RABL6: variants seen among roughly 807,000 people sequenced by gnomAD.
RABL6 encodes RAB, member RAS oncogene family like 6.
In RABL6, 28 loss-of-function variants were observed where a neutral mutation model predicts 72.9. The ratio of observed to expected loss-of-function variants is 0.38; its 90% confidence interval spans 0.28 to 0.53. The LOEUF (loss-of-function observed/expected upper bound fraction) is 0.53, where lower values mean the gene tolerates loss of function less well. Among genes scored for constraint, RABL6 ranks in the 20% least tolerant of loss-of-function variants. The probability of loss-of-function intolerance (pLI) is 0.80; values close to 1 mark genes in which losing one functional copy is unlikely to be tolerated. For synonymous variants in RABL6, 477 were observed against 421.2 expected (o/e 1.13, Z -1.62); for missense variants, 1,029 against 1,008.4 (o/e 1.02, Z -0.28).
chr9:136,808,782 T>G (rs1370252583), intron 1 of RABL6: 1 of 152,324 alleles, frequency 6.6e-6, no homozygotes, highest in Non-Finnish European at 1.5e-5. Flanking sequence ...GGATTTTTCT[T>G]TGTTGACTTC....
intron 1 of RABL6, among the ~76,000 whole-genome samples, chr9:136,811,928 T>C (rs994373111): frequency 6.6e-5 from 10 of 152,248 alleles, no homozygotes; most frequent in Admixed American, 5.2e-4. Flanking sequence ...AACCAGTCTT[T>C]CAGATGAAAT....
rs994565475 is a variant in RABL6, at chr9:136,833,384, C to A, written c.705+1014C>A. 3 of 388,278 alleles carry A rather than the reference C, an allele frequency of 7.7e-6. No homozygotes were observed. In the Admixed American group the frequency reaches 1.1e-4, roughly 14 times the overall value. 24.1% of individuals were successfully genotyped at this position (388,278 alleles called of 1,614,324 possible). On this transcript the variant is annotated intron_variant, in intron 7 of 14. Coordinates refer to ENST00000311502, the MANE Select transcript of RABL6 (RefSeq NM_024718.5). ...GGTCTGGGGGACCTGAACCTCCTTG[C>A]CTGGGCTGCCCCGCCTGGGTCTGGG...
chr9:136,828,373 G>T, intron 3 of RABL6, 121 bp from the exon 4 acceptor site: 1 of 945,096 alleles, frequency 1.1e-6, no homozygotes, highest in Non-Finnish European at 1.7e-6. Flanking sequence ...AGGCTGTTTG[G>T]GGTGGTGGAG....
At chr9:136,823,724 T>G (rs1848292389) in intron 2 of RABL6, 65 bp downstream of exon 2, 2 of 1,501,088 alleles carry the variant, frequency 1.3e-6, no homozygotes, top group South Asian at 2.6e-5. Flanking sequence ...CCCTGGTTCC[T>G]GGGAGATGCA....
At chr9:136,833,688 C>G in intron 7 of RABL6, 1 of 1,549,226 alleles carries the variant, frequency 6.5e-7, no homozygotes, top group South Asian at 1.2e-5. Flanking sequence ...TGGGGCCCAG[C>G]TGCAGCTGCA....
chr9:136,828,831 C>G (rs1222219397), intron 4 of RABL6, among the ~76,000 whole-genome samples: 1 of 152,190 alleles, frequency 6.6e-6, no homozygotes, highest in Admixed American at 6.5e-5. Flanking sequence ...ATCCCAGTCT[C>G]GGTGGGCTCG....
intron 1 of RABL6, among the ~76,000 whole-genome samples, chr9:136,820,282 TTG>T (rs1204144276): frequency 6.6e-6 from 1 of 152,000 alleles, no homozygotes; most frequent in Non-Finnish European, 1.5e-5. Flanking sequence ...GGAGGATCAC[TTG>T]AGCCCAGGAG....
At chr9:136,818,092 A>T (rs1474526004) in intron 1 of RABL6, among the ~76,000 whole-genome samples, 1 of 148,640 alleles carries the variant, frequency 6.7e-6, no homozygotes, top group African/African-American at 2.5e-5. Context: ...TGACGGGCAC[A>T]GTGGCTCACG....
rs867464647 is a variant in RABL6, at chr9:136,825,790, A to G, written c.277A>G (p.Ile93Val). 3.7e-6 allele frequency: 6 copies of G among 1,613,642 alleles called. No individual in the cohort carries two copies. Among genetic ancestry groups the G allele is most frequent in the Non-Finnish European group, 5.1e-6 (6 of 1,179,610 alleles). The change falls in exon 3 of 15, where the codon ATC (isoleucine) becomes GTC (valine). Residue 93 changes from isoleucine to valine, a missense_variant. Physicochemically the swap from Ile to Val is conservative, Grantham distance 29. Coordinates refer to ENST00000311502, the MANE Select transcript of RABL6 (RefSeq NM_024718.5). ...TCTCCCTGTTTCAGCCACGGATGAC[A>G]TCGTGAAGGTTGAAGTCTGGGATGT... ...IHWSYKTTDD[I>V]VKVEVWDVVD... is the part of the protein sequence containing the mutation.
chr9:136,819,324 GAAAAAAA>G (rs57726746), intron 1 of RABL6, among the ~76,000 whole-genome samples: 5 of 58,952 alleles, frequency 8.5e-5, no homozygotes, highest in South Asian at 4.9e-4. Context: ...TCCGTCTCAA[GAAAAAAA>G]AAAAAAAAAA....
intron 10 of RABL6, 84 bp from the exon 11 acceptor site, chr9:136,838,825 C>A (rs1475128066): frequency 1.0e-4 from 129 of 1,264,204 alleles, no homozygotes; most frequent in Non-Finnish European, 1.2e-4. Flanking sequence ...TGCTGGGTAC[C>A]AGGGCGCCTA....
In RABL6 at chr9:136,840,733, G is replaced by A. The variant is rs1368750982; in HGVS notation, c.*211G>A. On this transcript the variant is annotated 3_prime_UTR_variant, in exon 15 of 15. Transcript: ENST00000311502. ...TGTGAGCCTGCTCTGCAAGAAGGGA[G>A]GGGACAGCTGGCTTCAGCCAGGCTC... 3 of 1,548,384 alleles carry A rather than the reference G, an allele frequency of 1.9e-6. No homozygotes were observed. The African/African-American group carries it at 4.1e-5, about 21-fold the overall frequency.
At chr9:136,832,710 C>G in intron 7 of RABL6, 3 of 370,434 alleles carry the variant, frequency 8.1e-6, no homozygotes, top group Non-Finnish European at 1.6e-5. Flanking sequence ...TGGCTCACTG[C>G]GGCCTCAAAC....
intron 1 of RABL6, among the ~76,000 whole-genome samples, chr9:136,812,619 G>A (rs531484418): frequency 6.6e-6 from 1 of 152,102 alleles, no homozygotes; most frequent in Non-Finnish European, 1.5e-5. Flanking sequence ...AACAAGGAAG[G>A]TATTACCCTT....
intron 1 of RABL6, among the ~76,000 whole-genome samples, chr9:136,816,708 C>G (rs1018680295): frequency 1.5e-5 from 2 of 135,396 alleles, no homozygotes; most frequent in African/African-American, 5.7e-5. Context: ...CAGAGTGAGA[C>G]TCTGTCTCAA....
chr9:136,810,651 CCTG>C (rs1027572834), intron 1 of RABL6, among the ~76,000 whole-genome samples: 5 of 152,128 alleles, frequency 3.3e-5, no homozygotes, highest in African/African-American at 1.2e-4. Flanking sequence ...ACACCATTCT[CCTG>C]CTTCAGCCTC....
At position 136,840,982 on chromosome 9, in the gene RABL6, G is replaced by T; in HGVS notation, c.*460G>T. The T allele has an allele frequency of 6.9e-7, 1 of 1,449,406 alleles. No individual in the cohort carries two copies. The highest frequency in any genetic ancestry group is 9.1e-7 in the Non-Finnish European group (1 of 1,097,912). The allele number at this position is 1,449,406 out of a possible 1,614,324, so 89.8% of individuals were successfully genotyped here. A position where few individuals can be genotyped will look rare whatever the true frequency, so the allele number is the denominator to read the frequency against. ...CGGGAGCCCTGAACACGGGTGTGCA[G>T]ACTCACCCTAAAGGGCGGCCCAGGC... is the stretch of plus-strand genomic sequence containing the variant. On this transcript the variant is annotated 3_prime_UTR_variant, in exon 15 of 15. Coordinates refer to ENST00000311502, the MANE Select transcript of RABL6 (RefSeq NM_024718.5).
rs1439370186 is a variant in RABL6 at position 136,824,761 on chromosome 9, G to A, written c.266-1018G>A. Reference sequence around the variant, plus strand: ...CTTGGACTGCTGTGCAGGAACAGCCGTGGAGTTGCTGGGCATCTGCTGCTC... The same window carrying A: ...CTTGGACTGCTGTGCAGGAACAGCCATGGAGTTGCTGGGCATCTGCTGCTC... On this transcript the variant is annotated intron_variant, in intron 2 of 14. Coordinates refer to ENST00000311502, the MANE Select transcript of RABL6 (RefSeq NM_024718.5). Among the ~76,000 whole-genome samples the A allele has an allele frequency of 3.3e-5, 5 of 152,312 alleles. No homozygotes were observed. In the South Asian group the frequency reaches 6.2e-4, roughly 19 times the overall value.
chr9:136,832,429 C>T (rs1848496713), intron 7 of RABL6, 59 bp downstream of exon 7: 8 of 1,355,454 alleles, frequency 5.9e-6, no homozygotes, highest in Non-Finnish European at 8.5e-6. Context: ...TTCCAGGTGT[C>T]TCCTGTGTAG....
Sources: gnomAD v4.1 joint callset for allele counts (sites outside exome capture counted in the v4.1 genomes callset) on GRCh38, gnomAD v4.1.1 for gene constraint, MANE v1.5 for transcripts, NCBI Gene and HGNC (gene_info 2026-07-23, HGNC 2026-07-21) for gene names.